The following HDX variants were observed in gnomAD, a reference collection of about 807,000 sequenced individuals.
HDX encodes highly divergent homeobox.
Under a neutral mutation model 45.2 loss-of-function variants are expected in HDX, and 19 were observed. The ratio of observed to expected loss-of-function variants is 0.42; its 90% CI spans 0.29 to 0.62. HDX has a LOEUF of 0.62. HDX is among the 20% of genes least tolerant of loss of function. The pLI is 0.20. For synonymous variants in HDX, 188 were observed against 172.8 expected (o/e 1.09, Z -0.69); for missense variants, 532 against 493.9 (o/e 1.08, Z -0.73).
intron 9 of HDX, among the ~76,000 whole-genome samples, chrX:84,332,824 T>C (rs187513716): frequency 8.9e-6 from 1 of 112,067 alleles, no homozygotes; most frequent in East Asian, 2.8e-4. Context: ...GGAAATACGT[T>C]TCAAAAGATA....
intron 4 of HDX, among the ~76,000 whole-genome samples, chrX:84,447,110 T>C (rs1346411755): frequency 1.8e-5 from 2 of 111,262 alleles, no homozygotes; most frequent in African/African-American, 6.6e-5. Context: ...AGATTACTAA[T>C]TGAGGAATAT....
chrX:84,342,685 C>T (rs1414557169), intron 7 of HDX, among the ~76,000 whole-genome samples: 1 of 110,652 alleles, frequency 9.0e-6, no homozygotes, highest in Non-Finnish European at 1.9e-5. Flanking sequence ...CATCTTAAAG[C>T]AAAATTAATT....
chrX:84,485,499 G>A (rs2040772131), intron 2 of HDX, among the ~76,000 whole-genome samples: 1 of 111,801 alleles, frequency 8.9e-6, no homozygotes, highest in South Asian at 3.7e-4. Context: ...CATTTCCTGG[G>A]TTCAAGCAAT....
At chrX:84,501,097 T>C (rs1366244661) in intron 1 of HDX, among the ~76,000 whole-genome samples, 1 of 111,453 alleles carries the variant, frequency 9.0e-6, no homozygotes, top group Non-Finnish European at 1.9e-5. Flanking sequence ...AAATCCAGAT[T>C]CCTCTGTAAA....
intron 6 of HDX, among the ~76,000 whole-genome samples, chrX:84,352,832 G>C (rs982744336): frequency 2.7e-5 from 3 of 111,618 alleles, no homozygotes; most frequent in African/African-American, 6.5e-5. Flanking sequence ...ACAACAAATT[G>C]TAAATGCAGA....
chrX:84,471,535 G>T (rs960496168), intron 3 of HDX, among the ~76,000 whole-genome samples: 1 of 108,360 alleles, frequency 9.2e-6, no homozygotes, highest in Non-Finnish European at 1.9e-5. Context: ...TTGTGGAAGG[G>T]TATTCTGGGG....
At chrX:84,498,231 G>C (rs1336929260) in intron 1 of HDX, among the ~76,000 whole-genome samples, 14 of 111,907 alleles carry the variant, frequency 1.3e-4, no homozygotes, top group Admixed American at 8.5e-4. Flanking sequence ...ATAATTTCAT[G>C]TATCCAGTTG....
chrX:84,326,910 G>T (rs1459637961), intron 9 of HDX, among the ~76,000 whole-genome samples: 2 of 67,671 alleles, frequency 3.0e-5, no homozygotes, highest in Admixed American at 2.3e-4. Context: ...GAGTGAGACT[G>T]TCTCAAAAAA....
chrX:84,331,244 TC>T (rs2036837253), intron 9 of HDX, among the ~76,000 whole-genome samples: 1 of 111,436 alleles, frequency 9.0e-6, no homozygotes, highest in Non-Finnish European at 1.9e-5. Context: ...TGTATCTCAG[TC>T]AAAAACTCCA....
At position 84,468,711 on chromosome X, in the gene HDX, G is replaced by T; in HGVS notation, c.1012C>A (p.Gln338Lys). The stretch of plus-strand genomic sequence containing the variant: ...CCTGGTCCGGGCAAGGTTGTACTTT[G>T]GTTCTCAGCTCGAAGGGAACTGCCA... The part of the protein sequence containing the change: ...ESGSSLRAEN[Q>K]STTLPGPGRN... The change falls in exon 4 of 11, where the codon CAA becomes AAA. Residue 338 changes from glutamine (Q) to lysine (K), a missense_variant. Coordinates refer to ENST00000373177, the MANE Select transcript of HDX (RefSeq NM_001177479.2). The T allele has an allele frequency of 8.3e-7, 1 of 1,211,375 alleles. No individual in the cohort carries two copies. Among genetic ancestry groups the T allele is most frequent in the East Asian group, 3.0e-5 (1 of 33,838 alleles).
At chrX:84,384,238 G>T (rs755623844) in intron 5 of HDX, among the ~76,000 whole-genome samples, 1 of 110,860 alleles carries the variant, frequency 9.0e-6, no homozygotes, top group Non-Finnish European at 1.9e-5. Flanking sequence ...AATAACAGCC[G>T]TTCTGAGCTA....
At chrX:84,410,180 T>A (rs2147983203) in intron 5 of HDX, among the ~76,000 whole-genome samples, 1 of 111,202 alleles carries the variant, frequency 9.0e-6, no homozygotes, top group East Asian at 2.8e-4. Context: ...TGGCTAAGAT[T>A]TCCAGGACTA....
At chrX:84,361,034 C>T (rs768755263) in intron 6 of HDX, among the ~76,000 whole-genome samples, 4 of 111,605 alleles carry the variant, frequency 3.6e-5, no homozygotes, top group East Asian at 2.8e-4. Context: ...TTACCAGCAA[C>T]GTATCAGGGC....
chrX:84,446,232 A>G (rs2039869702), intron 4 of HDX, among the ~76,000 whole-genome samples: 1 of 112,247 alleles, frequency 8.9e-6, no homozygotes, highest in Non-Finnish European at 1.9e-5. Context: ...TAAATAAAAT[A>G]TTATATTAAT....
At chrX:84,445,076 G>A (rs1032222273) in intron 4 of HDX, among the ~76,000 whole-genome samples, 2 of 111,809 alleles carry the variant, frequency 1.8e-5, no homozygotes, top group African/African-American at 6.5e-5. Flanking sequence ...GAGATTATAT[G>A]TTAAAAACAT....
chrX:84,346,479 AC>A (rs2037207888), intron 6 of HDX, among the ~76,000 whole-genome samples: 2 of 111,542 alleles, frequency 1.8e-5, no homozygotes, highest in African/African-American at 6.5e-5. Flanking sequence ...TAATTTCAAG[AC>A]TTTTTATATA....
intron 5 of HDX, among the ~76,000 whole-genome samples, chrX:84,376,442 C>T (rs374172136): frequency 2.9e-3 from 320 of 111,887 alleles, no homozygotes; most frequent in African/African-American, 0.01. Context: ...CTTGAGGTCT[C>T]TGATTCTAGG....
At chrX:84,347,794 G>A (rs2037240476) in intron 6 of HDX, among the ~76,000 whole-genome samples, 1 of 110,851 alleles carries the variant, frequency 9.0e-6, no homozygotes, top group Non-Finnish European at 1.9e-5. Flanking sequence ...CATAGTTTCT[G>A]AGGAAAAGTC....
At position 84,470,765 on chromosome X, in the gene HDX, T is replaced by C. The variant is rs956346943; in HGVS notation, c.148-1190A>G. 4.5e-5 allele frequency among the ~76,000 whole-genome samples: 5 copies of C among 111,773 alleles called. No homozygotes were observed. In the East Asian group the frequency reaches 1.4e-3, roughly 31 times the overall value. On this transcript the variant is annotated intron_variant, in intron 3 of 10. Transcript: ENST00000373177. The stretch of plus-strand genomic sequence containing the variant: ...CTGAGTCATGGATCTTCTTAAATTA[T>C]ACAATAAGAAATATATTCTATAATG...
Sources: gnomAD v4.1 joint callset for allele counts (sites outside exome capture counted in the v4.1 genomes callset) on GRCh38, gnomAD v4.1.1 for gene constraint, MANE v1.5 for transcripts, NCBI Gene and HGNC (gene_info 2026-07-23, HGNC 2026-07-21) for gene names.